TNFRSF19: variants seen among roughly 807,000 people sequenced by gnomAD.
TNFRSF19 encodes the protein tumor necrosis factor receptor superfamily member 19.
A neutral mutation model predicts 46.4 loss-of-function variants in TNFRSF19; 27 were observed. The ratio of observed to expected loss-of-function variants is 0.58; its 90% CI spans 0.43 to 0.80. TNFRSF19 has a LOEUF of 0.80. Among genes scored for constraint, TNFRSF19 ranks in the 30% least tolerant of loss-of-function variants. The pLI is 0.00. For missense variants in TNFRSF19, 511 were observed against 530.8 expected, an observed-to-expected ratio of 0.96 and a Z score of 0.37; for synonymous variants, 204 against 205.0, an observed-to-expected ratio of 1.00 and a Z score of 0.04.
At chr13:23,604,131 G>A (rs1266930660) in intron 3 of TNFRSF19, among the ~76,000 whole-genome samples, 4 of 151,964 alleles carry the variant, frequency 2.6e-5, no homozygotes, top group Non-Finnish European at 5.9e-5. Context: ...AAAACTCCTG[G>A]AATGAATAAG....
At chr13:23,596,674 G>T (rs1202383282) in intron 3 of TNFRSF19, among the ~76,000 whole-genome samples, 4 of 152,154 alleles carry the variant, frequency 2.6e-5, no homozygotes, top group Non-Finnish European at 5.9e-5. Flanking sequence ...ACACCCCACT[G>T]TCAATATTAG....
intron 1 of TNFRSF19, among the ~76,000 whole-genome samples, chr13:23,577,991 G>A (rs1242103872): frequency 6.6e-6 from 1 of 152,190 alleles, no homozygotes; most frequent in East Asian, 1.9e-4. Flanking sequence ...AAGACAAAGA[G>A]AGGACGATGG....
Position 23,614,746 on chromosome 13 carries a change from C to CATATATATATATATATATATATATAT in TNFRSF19, c.181-1098_181-1097insTATATATATATATATATATATATATA, listed in dbSNP as rs59117822. On this transcript the variant is annotated intron_variant, in intron 3 of 9. Transcript: ENST00000248484. ...AGCCGCTTCCTGTGGATAAGTAATA[C>CATATATATATATATATATATATATAT]ATATATATATATATATATATATAGT... Among the ~76,000 whole-genome samples, 181 of 134,816 alleles carry CATATATATATATATATATATATATAT rather than the reference C, an allele frequency of 1.3e-3. 3 individuals are homozygous for CATATATATATATATATATATATATAT. Among genetic ancestry groups the CATATATATATATATATATATATATAT allele is most frequent in the African/African-American group, 2.1e-3 (75 of 35,538 alleles). 88.4% of individuals were successfully genotyped at this position (134,816 alleles called of 152,430 possible).
intron 4 of TNFRSF19, among the ~76,000 whole-genome samples, chr13:23,625,054 A>G (rs1321336305): frequency 6.6e-6 from 1 of 151,914 alleles, no homozygotes; most frequent in Non-Finnish European, 1.5e-5. Context: ...GCCTGGCCAC[A>G]CACGACTATT....
chr13:23,597,734 C>T (rs1879841112), intron 3 of TNFRSF19, among the ~76,000 whole-genome samples: 1 of 152,180 alleles, frequency 6.6e-6, no homozygotes, highest in Non-Finnish European at 1.5e-5. Context: ...GGACTCCTCT[C>T]TAACTCATTT....
At chr13:23,600,340 C>G (rs1192527311) in intron 3 of TNFRSF19, among the ~76,000 whole-genome samples, 1 of 152,032 alleles carries the variant, frequency 6.6e-6, no homozygotes, top group African/African-American at 2.4e-5. Flanking sequence ...CAGAAGCCTC[C>G]CCTGGAGCCA....
At chr13:23,631,602 T>C (rs1186388503) in intron 5 of TNFRSF19, among the ~76,000 whole-genome samples, 1 of 152,348 alleles carries the variant, frequency 6.6e-6, no homozygotes, top group East Asian at 1.9e-4. Context: ...TTTTTGTCTC[T>C]TGACATTCAG....
At chr13:23,614,275 A>C (rs74038443) in intron 3 of TNFRSF19, among the ~76,000 whole-genome samples, 1,846 of 152,252 alleles carry the variant, frequency 0.012, 41 homozygotes, top group African/African-American at 0.042. Context: ...ACTCACCCAA[A>C]ATGTGAATGA....
chr13:23,639,531 G>A (rs1882905657), intron 5 of TNFRSF19, among the ~76,000 whole-genome samples: 1 of 152,210 alleles, frequency 6.6e-6, no homozygotes, highest in Non-Finnish European at 1.5e-5. Flanking sequence ...ACATGCCAGG[G>A]GGATTTGTCC....
Position 23,660,411 on chromosome 13 carries a change from G to A in TNFRSF19, c.657G>A (p.Ser219=), listed in dbSNP as rs369538551. The A allele has an allele frequency of 2.5e-5, 40 of 1,613,934 alleles. 1 individual carries two copies. The African/African-American group carries it at 3.3e-4, about 13-fold the overall frequency. The change falls in exon 7 of 10, where the codon TCG becomes TCA. Residue 219 remains serine, a synonymous_variant. Transcript: ENST00000248484. ...QDIQYNGSEL[S]CFDRPQLHEY... ...TTCAGTACAACGGCTCTGAGCTGTC[G>A]TGTTTTGACAGACCTCAGCTCCACG...
intron 2 of TNFRSF19, among the ~76,000 whole-genome samples, chr13:23,590,966 T>C (rs1004595043): frequency 1.3e-5 from 2 of 152,240 alleles, no homozygotes; most frequent in African/African-American, 4.8e-5. Context: ...TATTATTTTA[T>C]ATAGTTGTTT....
intron 1 of TNFRSF19, chr13:23,585,609 G>A (rs914582770): frequency 6.6e-6 from 1 of 152,180 alleles, no homozygotes; most frequent in Admixed American, 6.5e-5. Context: ...GAAGTAAACT[G>A]TTATCCCTAG....
intron 5 of TNFRSF19, among the ~76,000 whole-genome samples, chr13:23,645,126 A>T (rs1013954028): frequency 5.3e-5 from 8 of 152,228 alleles, no homozygotes; most frequent in Admixed American, 1.3e-4. Flanking sequence ...TTAATTTTTT[A>T]AAAATCACCA....
At chr13:23,587,380 C>T (rs1878920331) in intron 1 of TNFRSF19, among the ~76,000 whole-genome samples, 1 of 152,104 alleles carries the variant, frequency 6.6e-6, no homozygotes, top group Non-Finnish European at 1.5e-5. Context: ...TTCTAAAATA[C>T]TCCTAGGCCA....
chr13:23,663,867 G>C, intron 7 of TNFRSF19, among the ~76,000 whole-genome samples: 1 of 152,006 alleles, frequency 6.6e-6, no homozygotes, highest in Non-Finnish European at 1.5e-5. Context: ...CCCTTTTGTA[G>C]TTTTTAATTG....
intron 9 of TNFRSF19, among the ~76,000 whole-genome samples, chr13:23,671,810 A>G (rs1951765999): frequency 6.6e-6 from 1 of 152,198 alleles, no homozygotes; most frequent in Admixed American, 6.5e-5. Flanking sequence ...GTGAGCTAGG[A>G]TCACGCCGCT....
intron 3 of TNFRSF19, among the ~76,000 whole-genome samples, chr13:23,607,234 G>T (rs1432723760): frequency 1.3e-5 from 2 of 152,178 alleles, no homozygotes; most frequent in African/African-American, 4.8e-5. Context: ...AGGAGTTCCA[G>T]ACTAGCCTGG....
intron 5 of TNFRSF19, among the ~76,000 whole-genome samples, chr13:23,641,487 A>G (rs1883029215): frequency 6.6e-6 from 1 of 152,004 alleles, no homozygotes; most frequent in Non-Finnish European, 1.5e-5. Flanking sequence ...ATGCCACCAC[A>G]TCTGGCTAAT....
intron 5 of TNFRSF19, among the ~76,000 whole-genome samples, chr13:23,634,080 C>T (rs755551676): frequency 8.5e-5 from 13 of 152,182 alleles, no homozygotes; most frequent in African/African-American, 1.2e-4. Flanking sequence ...CACATGTGCC[C>T]TACATTGATT....
Sources: allele counts gnomAD v4.1 joint callset (sites outside exome capture counted in the v4.1 genomes callset), GRCh38; gene constraint gnomAD v4.1.1; transcripts MANE v1.5; gene names NCBI Gene and HGNC (gene_info 2026-07-23, HGNC 2026-07-21).